BRINP3: variants seen among roughly 807,000 people sequenced by gnomAD.
The protein encoded by BRINP3 is BMP/retinoic acid-inducible neural-specific protein 3.
A neutral mutation model predicts 71.0 loss-of-function variants in BRINP3; 19 were observed. The observed-to-expected ratio is 0.27, with a 90% CI of 0.19 to 0.39. BRINP3 has a LOEUF of 0.39. Ranked by LOEUF, BRINP3 falls within the 10% of genes least tolerant of loss-of-function variation. The pLI, the probability that BRINP3 is intolerant of heterozygous loss-of-function variation, is 1.00. For missense variants in BRINP3, 959 were observed against 940.8 expected (o/e 1.02, Z -0.25); for synonymous variants, 380 against 337.7 (o/e 1.13, Z -1.37).
At chr1:190,454,972 C>T in intron 1 of BRINP3, 32 bp from the exon 2 acceptor site, 1 of 1,027,948 alleles carries the variant, frequency 9.7e-7, no homozygotes, top group Non-Finnish European at 1.4e-6. Context: ...TTAGTTAACT[C>T]CTAGAAGATT....
At chr1:190,388,441 G>A (rs1254641462) in intron 2 of BRINP3, among the ~76,000 whole-genome samples, 3 of 151,928 alleles carry the variant, frequency 2.0e-5, no homozygotes, top group East Asian at 3.9e-4. Flanking sequence ...CCAATAACAA[G>A]TATAATTATA....
At position 190,098,738 on chromosome 1, in the gene BRINP3, G is replaced by A. The variant is rs1651420033; in HGVS notation, c.1581C>T (p.Pro527=). ...NDMRLNSWFD[P]SWRKRMLLTL... ...TGAGGAGCATCCGCTTACGCCAGGA[G>A]GGATCAAACCAGCTATTGAGGCGCA... is the stretch of plus-strand genomic sequence containing the variant. The change falls in exon 8 of 8, where the codon CCC becomes CCT. Residue 527 remains proline (P), a synonymous_variant. Coordinates refer to ENST00000367462, the MANE Select transcript of BRINP3 (RefSeq NM_199051.3). 6.2e-7 allele frequency: 1 copy of A among 1,614,196 alleles called. No individual in the cohort carries two copies.
At chr1:190,395,185 A>G (rs1671491634) in intron 2 of BRINP3, among the ~76,000 whole-genome samples, 1 of 151,748 alleles carries the variant, frequency 6.6e-6, no homozygotes, top group East Asian at 1.9e-4. Context: ...CATATTTTGA[A>G]TTGCTCTTCT....
At chr1:190,324,353 T>C (rs1666444256) in intron 2 of BRINP3, among the ~76,000 whole-genome samples, 1 of 151,884 alleles carries the variant, frequency 6.6e-6, no homozygotes, top group Non-Finnish European at 1.5e-5. Flanking sequence ...CTGTCTCCAA[T>C]ACATAAAGCT....
chr1:190,264,348 C>T (rs770288543), intron 4 of BRINP3, among the ~76,000 whole-genome samples: 1 of 152,076 alleles, frequency 6.6e-6, no homozygotes, highest in Non-Finnish European at 1.5e-5. Context: ...TTATATTTTG[C>T]CTCCTAGAAA....
intron 6 of BRINP3, among the ~76,000 whole-genome samples, chr1:190,192,008 A>G (rs1407067836): frequency 6.6e-6 from 1 of 152,144 alleles, no homozygotes. Context: ...ATTTAAAAAA[A>G]AATCTGTCCT....
chr1:190,111,551 C>T (rs1456582433), intron 7 of BRINP3, among the ~76,000 whole-genome samples: 2 of 151,970 alleles, frequency 1.3e-5, no homozygotes, highest in African/African-American at 4.8e-5. Flanking sequence ...TTCCAGTTTC[C>T]CTTAGAGTTA....
At chr1:190,216,532 A>G (rs1425581179) in intron 6 of BRINP3, among the ~76,000 whole-genome samples, 3 of 151,916 alleles carry the variant, frequency 2.0e-5, no homozygotes, top group Non-Finnish European at 4.4e-5. Context: ...AAAGAGAAAT[A>G]TTTCTATTTT....
At chr1:190,252,701 G>A (rs1164043355) in intron 4 of BRINP3, among the ~76,000 whole-genome samples, 3 of 152,012 alleles carry the variant, frequency 2.0e-5, no homozygotes, top group African/African-American at 7.2e-5. Context: ...TTGGAGAGAT[G>A]AGAGAATAAA....
chr1:190,215,106 AAAAG>A (rs1388630452), intron 6 of BRINP3, among the ~76,000 whole-genome samples: 4 of 151,688 alleles, frequency 2.6e-5, no homozygotes, highest in Admixed American at 6.6e-5. Flanking sequence ...AAAAAAAAAA[AAAAG>A]AAATGAAATC....
chr1:190,359,273 G>T (rs1668969833), intron 2 of BRINP3, among the ~76,000 whole-genome samples: 1 of 152,024 alleles, frequency 6.6e-6, no homozygotes, highest in Admixed American at 6.6e-5. Flanking sequence ...GCTCCTGGGA[G>T]GTATTTATTT....
intron 2 of BRINP3, among the ~76,000 whole-genome samples, chr1:190,442,559 A>G (rs1674896496): frequency 6.6e-6 from 1 of 152,238 alleles, no homozygotes; most frequent in African/African-American, 2.4e-5. Context: ...TGAAGGGAGA[A>G]TACTCAAAAA....
chr1:190,293,530 G>T (rs945014191), intron 2 of BRINP3, among the ~76,000 whole-genome samples: 1 of 152,084 alleles, frequency 6.6e-6, no homozygotes, highest in Non-Finnish European at 1.5e-5. Flanking sequence ...ATGTCAGCTT[G>T]ATCCATTTGG....
chr1:190,315,200 A>C (rs2103035162), intron 2 of BRINP3, among the ~76,000 whole-genome samples: 1 of 152,268 alleles, frequency 6.6e-6, no homozygotes, highest in South Asian at 2.1e-4. Flanking sequence ...GGAAGCACAG[A>C]TATACAGGAA....
At chr1:190,123,635 C>G (rs994671303) in intron 7 of BRINP3, among the ~76,000 whole-genome samples, 1 of 152,090 alleles carries the variant, frequency 6.6e-6, no homozygotes, top group Non-Finnish European at 1.5e-5. Flanking sequence ...TAATACTACT[C>G]ATAATACTGC....
intron 2 of BRINP3, among the ~76,000 whole-genome samples, chr1:190,440,404 G>T (rs1345170134): frequency 1.3e-5 from 2 of 151,856 alleles, no homozygotes; most frequent in Non-Finnish European, 2.9e-5. Flanking sequence ...TGACCTTAAA[G>T]AAATAAAACC....
chr1:190,206,610 T>C (rs1655524085), intron 6 of BRINP3, among the ~76,000 whole-genome samples: 1 of 152,038 alleles, frequency 6.6e-6, no homozygotes, highest in African/African-American at 2.4e-5. Flanking sequence ...TGCCAGAAAG[T>C]TAGAGGAATC....
chr1:190,471,215 T>A (rs1677117008), intron 1 of BRINP3, among the ~76,000 whole-genome samples: 1 of 151,132 alleles, frequency 6.6e-6, no homozygotes, highest in African/African-American at 2.4e-5. Context: ...AATAAAAAAT[T>A]AAGAACTTGG....
In BRINP3 at chr1:190,253,597, C is replaced by T. The variant is rs1289396064; in HGVS notation, c.618+11268G>A. ...TCTTTTGAGAAGTGTCTGTTCATATCCTTGGCCGAGTTTTTGATGGGGTTG... is the reference window on the plus strand; with the variant it reads ...TCTTTTGAGAAGTGTCTGTTCATATTCTTGGCCGAGTTTTTGATGGGGTTG... On this transcript the variant is annotated intron_variant, in intron 4 of 7. Coordinates refer to ENST00000367462, the MANE Select transcript of BRINP3 (RefSeq NM_199051.3). Among the ~76,000 whole-genome samples the T allele has an allele frequency of 5.3e-5, 8 of 152,120 alleles. No individual in the cohort carries two copies. In the South Asian group the frequency reaches 1.7e-3, roughly 32 times the overall value.
Sources: gnomAD v4.1 joint callset for allele counts (sites outside exome capture counted in the v4.1 genomes callset) on GRCh38, gnomAD v4.1.1 for gene constraint, MANE v1.5 for transcripts, NCBI Gene and HGNC (gene_info 2026-07-23, HGNC 2026-07-21) for gene names.